EEF2: variants seen among roughly 807,000 people sequenced by gnomAD.
EEF2 encodes the protein eukaryotic translation elongation factor 2, also known as elongation factor 2.
EEF2 carries 21 observed loss-of-function variants against 85.3 expected under a neutral mutation model. That is an observed-to-expected ratio of 0.25 (90% CI 0.17 to 0.35). The LOEUF (loss-of-function observed/expected upper bound fraction) is 0.35, where lower values mean the gene tolerates loss of function less well. Ranked by LOEUF, EEF2 falls within the 10% of genes least tolerant of loss-of-function variation. The pLI is 1.00. For synonymous variants in EEF2, 723 were observed against 508.8 expected (o/e 1.42, Z -5.67); for missense variants, 825 against 1,225.3 (o/e 0.67, Z 4.88).
rs755091330 is a variant in EEF2, at chr19:3,977,357, G to A, written c.2251-10C>T. The A allele has an allele frequency of 9.4e-6, 15 of 1,591,100 alleles. No homozygotes were observed. The highest frequency in any genetic ancestry group is 5.5e-5 in the Admixed American group (3 of 54,666). ...CCACCTGCTCTGGACACTGCCAGAA[G>A]GGAAAGAAAACCTGTCAGTGGCCGC... On this transcript the variant is annotated splice_polypyrimidine_tract_variant and intron_variant, in intron 13 of 14. Coordinates refer to ENST00000309311, the MANE Select transcript of EEF2 (RefSeq NM_001961.4). The surrounding 1 kb of genome is among the most constrained non-coding windows in gnomAD (Gnocchi z 5.4).
At chr19:3,978,365 T>G (rs2039702619) in intron 11 of EEF2, among the ~76,000 whole-genome samples, 193 bp from the exon 12 acceptor site, 1 of 152,128 alleles carries the variant, frequency 6.6e-6, no homozygotes, top group African/African-American at 2.4e-5. Context: ...GAGCAGGGGC[T>G]CCACTGAGCT....
At chr19:3,982,775 C>A in intron 4 of EEF2, 32 bp downstream of exon 4, 1 of 1,590,246 alleles carries the variant, frequency 6.3e-7, no homozygotes, top group South Asian at 1.1e-5. Flanking sequence ...CCCGCTGCGG[C>A]AAGCCCACCA....
chr19:3,977,156 G>A lies in EEF2; in HGVS notation c.2383+59C>T. 6.3e-7 allele frequency: 1 copy of A among 1,587,448 alleles called. No individual in the cohort carries two copies. Among genetic ancestry groups the A allele is most frequent in the East Asian group, 2.2e-5 (1 of 44,532 alleles). On this transcript the variant is annotated intron_variant, in intron 14 of 14. Transcript: ENST00000309311. The surrounding 1 kb of genome is among the most constrained non-coding windows in gnomAD (Gnocchi z 5.4). ...TTAACACCTTGCTAAGCTTAACTGGGCTTCTGTCCCCCAAACCAGCCTGCC... is the reference window on the plus strand; with the variant it reads ...TTAACACCTTGCTAAGCTTAACTGGACTTCTGTCCCCCAAACCAGCCTGCC...
chr19:3,983,364 A>C, intron 2 of EEF2, 73 bp from the exon 3 acceptor site: 1 of 1,497,340 alleles, frequency 6.7e-7, no homozygotes, highest in Non-Finnish European at 9.0e-7. Context: ...ATGCTGTCAG[A>C]AGCCAGGCTG....
chr19:3,977,347 A>G lies in EEF2; in HGVS notation c.2251T>C (p.Cys751Arg). 1 of 1,591,430 alleles carries G rather than the reference A, an allele frequency of 6.3e-7. No homozygotes were observed. The stretch of plus-strand genomic sequence containing the variant: ...ATGCCACCGACCACCTGCTCTGGAC[A>G]CTGCCAGAAGGGAAAGAAAACCTGT... The part of the protein sequence containing the change: ...MEPIYLVEIQ[C>R]PEQVVGGIYG... The change falls in exon 14 of 15, where the codon TGT becomes CGT. Residue 751 changes from cysteine (C) to arginine (R), a missense_variant and splice_region_variant. Physicochemically the swap from Cys to Arg is radical, Grantham distance 180 (BLOSUM62 -3). Transcript: ENST00000309311. The surrounding 1 kb of genome is among the most constrained non-coding windows in gnomAD (Gnocchi z 5.4).
intron 10 of EEF2, 81 bp from the exon 11 acceptor site, chr19:3,979,517 G>C (rs577113452): frequency 8.0e-6 from 10 of 1,252,966 alleles, no homozygotes; most frequent in African/African-American, 1.5e-5. Flanking sequence ...CCTTTAGCTA[G>C]GGACCCCGCC....
At chr19:3,983,872 G>C (rs950941058) in intron 2 of EEF2, 2 of 522,098 alleles carry the variant, frequency 3.8e-6, no homozygotes, top group Admixed American at 3.2e-5. Flanking sequence ...TCCAGATATT[G>C]TAGGAGTGGG....
At chr19:3,983,443 T>A in intron 2 of EEF2, 152 bp from the exon 3 acceptor site, 1 of 811,022 alleles carries the variant, frequency 1.2e-6, no homozygotes, top group Non-Finnish European at 1.9e-6. Context: ...CCTTTGCCTC[T>A]GTCCGAGACA....
At position 3,977,946 on chromosome 19, in the gene EEF2, C is replaced by T. The variant is rs867219501; in HGVS notation, c.1940G>A (p.Arg647His). 1 of 1,613,372 alleles carries T rather than the reference C, an allele frequency of 6.2e-7. No individual in the cohort carries two copies. Among genetic ancestry groups the T allele is most frequent in the Non-Finnish European group, 8.5e-7 (1 of 1,179,966 alleles). Residue 647 changes from arginine to histidine, a missense_variant, in exon 12 of 15, where the codon CGC becomes CAC. Arg to His is a conservative substitution (Grantham distance 29, BLOSUM62 0). Coordinates refer to ENST00000309311, the MANE Select transcript of EEF2 (RefSeq NM_001961.4). This position sits in a 1 kb window ranked among gnomAD's most constrained non-coding sequence, Gnocchi z 5.4. ...GTCGGGCCCAAAGCACCAGATCTTG[C>T]GGGCCTCAGCCACGTCCCACTCGTA... ...EKYEWDVAEA[R>H]KIWCFGPDGT...
chr19:3,981,593 G>C (rs945184387), intron 6 of EEF2, 141 bp from the exon 7 acceptor site: 22 of 792,488 alleles, frequency 2.8e-5, no homozygotes, highest in Admixed American at 4.8e-5. Context: ...GCCTACCACG[G>C]GCCCAGCCAG....
intron 6 of EEF2, 41 bp from the exon 7 acceptor site, chr19:3,981,493 C>T (rs1266985972): frequency 9.5e-6 from 15 of 1,580,330 alleles, no homozygotes; most frequent in African/African-American, 1.3e-5. Context: ...CATTTGGGAA[C>T]AGCAGGAGGA....
At chr19:3,979,242 T>C (rs1378673938) in intron 11 of EEF2, 87 bp downstream of exon 11, 21 of 1,036,768 alleles carry the variant, frequency 2.0e-5, no homozygotes, top group Non-Finnish European at 3.1e-5. Context: ...AGTCTAGGCG[T>C]CTGCAGAGCC....
intron 4 of EEF2, 62 bp downstream of exon 4, chr19:3,982,745 C>T: frequency 6.5e-7 from 1 of 1,539,622 alleles, no homozygotes; most frequent in Non-Finnish European, 8.8e-7. Context: ...CAACTCCACT[C>T]CCCACCGGCT....
chr19:3,976,506 G>A lies in EEF2; in HGVS notation c.*48C>T, dbSNP rs769942054. On this transcript the variant is annotated 3_prime_UTR_variant, in exon 15 of 15. Coordinates refer to ENST00000309311, the MANE Select transcript of EEF2 (RefSeq NM_001961.4). ...TCTGAGAATTCGAGGACGTGGTGCTGTGGGTGCTGCGAGTCCCCGGGGCGG... is the reference window on the plus strand; with the variant it reads ...TCTGAGAATTCGAGGACGTGGTGCTATGGGTGCTGCGAGTCCCCGGGGCGG... 3.2e-6 allele frequency: 5 copies of A among 1,556,766 alleles called. 1 individual carries two copies. The Admixed American group carries it at 5.7e-5, about 18-fold the overall frequency.
rs369022270 is a variant in EEF2 at position 3,985,394 on chromosome 19, G to A, written c.-14C>T. 19 of 1,510,822 alleles carry A rather than the reference G, an allele frequency of 1.3e-5. 1 individual carries two copies. Among genetic ancestry groups the A allele is most frequent in the African/African-American group, 1.0e-4 (7 of 69,968 alleles). The allele number at this position is 1,510,822 out of a possible 1,614,324, so 93.6% of individuals were successfully genotyped here. Reference sequence around the variant, plus strand: ...GTTACTCACCATGGTGGCGGATGGCGGTGGATTCTCCCAGGTAGAACCGAA... The same window carrying A: ...GTTACTCACCATGGTGGCGGATGGCAGTGGATTCTCCCAGGTAGAACCGAA... On this transcript the variant is annotated 5_prime_UTR_variant, in exon 1 of 15. Transcript: ENST00000309311.
chr19:3,981,035 C>G (rs750765799), intron 7 of EEF2, 56 bp from the exon 8 acceptor site: 3 of 1,530,154 alleles, frequency 2.0e-6, no homozygotes, highest in African/African-American at 1.4e-5. Context: ...ATGGCCCCAC[C>G]CCGTACACGC....
chr19:3,985,326 C>A, intron 1 of EEF2, 52 bp downstream of exon 1: 2 of 1,421,150 alleles, frequency 1.4e-6, no homozygotes, highest in Non-Finnish European at 9.3e-7. Context: ...AGCGTAGGCC[C>A]CGCGGAGGCC....
At chr19:3,980,785 G>A (rs376911497) in intron 8 of EEF2, 56 bp downstream of exon 8, 5 of 1,591,874 alleles carry the variant, frequency 3.1e-6, no homozygotes, top group South Asian at 2.3e-5. Flanking sequence ...CCACAACCTT[G>A]GGCAACAGGA....
At chr19:3,980,284 CACCT>C (rs2039729032) in intron 9 of EEF2, among the ~76,000 whole-genome samples, 3 of 152,240 alleles carry the variant, frequency 2.0e-5, no homozygotes, top group South Asian at 4.1e-4. Flanking sequence ...GGCCGCCACC[CACCT>C]GTGCCCAGGG....
Sources: gnomAD v4.1 joint callset for allele counts (sites outside exome capture counted in the v4.1 genomes callset) on GRCh38, gnomAD v4.1.1 for gene constraint, Gnocchi (gnomAD v3.1) non-coding constraint, MANE v1.5 for transcripts, NCBI Gene and HGNC (gene_info 2026-07-23, HGNC 2026-07-21) for gene names.